LAMA2: variants seen among roughly 807,000 people sequenced by gnomAD.
LAMA2 encodes laminin subunit alpha-2.
A neutral mutation model predicts 364.8 loss-of-function variants in LAMA2; 269 were observed. The ratio of observed to expected loss-of-function variants is 0.74; its 90% confidence interval spans 0.67 to 0.82. The LOEUF is 0.82. Among genes scored for constraint, LAMA2 ranks in the 40% least tolerant of loss-of-function variants. The pLI, the probability that LAMA2 is intolerant of heterozygous loss-of-function variation, is 0.00. For missense variants in LAMA2, 3,807 were observed against 3,873.2 expected (o/e 0.98, Z 0.45); for synonymous variants, 1,379 against 1,370.6 (o/e 1.01, Z -0.14).
intron 1 of LAMA2, among the ~76,000 whole-genome samples, chr6:128,889,528 C>A (rs1776328470): frequency 6.6e-6 from 1 of 152,092 alleles, no homozygotes; most frequent in African/African-American, 2.4e-5. Flanking sequence ...AATTGGATAG[C>A]TTTTCCTTCT....
chr6:129,421,371 T>C (rs1042834907), intron 40 of LAMA2, among the ~76,000 whole-genome samples: 4 of 151,502 alleles, frequency 2.6e-5, no homozygotes, highest in African/African-American at 9.7e-5. Flanking sequence ...AGAAAGAGAA[T>C]ACCAAGAATT....
intron 51 of LAMA2, among the ~76,000 whole-genome samples, chr6:129,466,739 T>C (rs1783562400): frequency 6.6e-6 from 1 of 151,844 alleles, no homozygotes; most frequent in Non-Finnish European, 1.5e-5. Context: ...CTTTAGTAAC[T>C]ACAAGTGAAT....
intron 1 of LAMA2, among the ~76,000 whole-genome samples, chr6:128,927,753 GT>G (rs943350812): frequency 6.6e-6 from 1 of 151,120 alleles, no homozygotes; most frequent in Non-Finnish European, 1.5e-5. Flanking sequence ...ATTCTATTTC[GT>G]TTTTTGTCAC....
intron 20 of LAMA2, among the ~76,000 whole-genome samples, chr6:129,296,203 A>G (rs914475863): frequency 6.6e-6 from 1 of 152,018 alleles, no homozygotes; most frequent in African/African-American, 2.4e-5. Context: ...GTTATTCACC[A>G]TGATAAATAA....
chr6:128,956,179 G>A (rs1054668453), intron 1 of LAMA2, among the ~76,000 whole-genome samples: 6 of 151,778 alleles, frequency 4.0e-5, no homozygotes, highest in Non-Finnish European at 7.4e-5. Flanking sequence ...TTTACTCAAG[G>A]GCATTTTAAA....
At chr6:128,997,133 GA>G (rs1424089203) in intron 1 of LAMA2, among the ~76,000 whole-genome samples, 2 of 150,556 alleles carry the variant, frequency 1.3e-5, no homozygotes, top group Non-Finnish European at 3.0e-5. Context: ...CCTGTTGGGG[GA>G]GGGGTGGGAG....
intron 34 of LAMA2, among the ~76,000 whole-genome samples, chr6:129,370,300 T>C (rs1168421502): frequency 6.6e-6 from 1 of 152,206 alleles, no homozygotes; most frequent in Non-Finnish European, 1.5e-5. Context: ...AGCACTATCT[T>C]TGATTGTGTA....
At chr6:129,496,292 G>A (rs559330870) in intron 58 of LAMA2, among the ~76,000 whole-genome samples, 38 of 152,078 alleles carry the variant, frequency 2.5e-4, no homozygotes, top group Non-Finnish European at 3.7e-4. Context: ...TCAGCCTCCC[G>A]AGTAGCTGGG....
chr6:129,348,171 T>C (rs1583548588), intron 30 of LAMA2, among the ~76,000 whole-genome samples: 1 of 152,314 alleles, frequency 6.6e-6, no homozygotes, highest in East Asian at 1.9e-4. Flanking sequence ...CAAAAATAAA[T>C]TTGTTGGATA....
At chr6:129,292,074 C>T (rs1000002707) in intron 20 of LAMA2, among the ~76,000 whole-genome samples, 2 of 152,110 alleles carry the variant, frequency 1.3e-5, no homozygotes, top group African/African-American at 4.8e-5. Context: ...GGGCTGGGCG[C>T]GGTGGCTCAT....
intron 1 of LAMA2, among the ~76,000 whole-genome samples, chr6:128,911,174 G>C (rs753073260): frequency 6.6e-6 from 1 of 152,156 alleles, no homozygotes; most frequent in Non-Finnish European, 1.5e-5. Flanking sequence ...CCCAGTTCGA[G>C]CTTCCCGGCT....
At chr6:128,929,847 A>G in intron 1 of LAMA2, 1 of 1,015,672 alleles carries the variant, frequency 9.8e-7, no homozygotes, top group Non-Finnish European at 1.6e-6. Flanking sequence ...TAAGTGAAAA[A>G]CTTGCCTGAA....
intron 1 of LAMA2, among the ~76,000 whole-genome samples, chr6:129,037,730 C>T (rs1019567804): frequency 3.4e-5 from 5 of 148,396 alleles, no homozygotes; most frequent in African/African-American, 7.5e-5. Context: ...AGTGCAGTGG[C>T]GCGATCTCTG....
At chr6:129,469,698 C>A (rs1014091964) in intron 51 of LAMA2, among the ~76,000 whole-genome samples, 1 of 151,678 alleles carries the variant, frequency 6.6e-6, no homozygotes, top group African/African-American at 2.4e-5. Flanking sequence ...AATCACATAT[C>A]CATCGACAGG....
intron 1 of LAMA2, among the ~76,000 whole-genome samples, chr6:128,949,278 C>A (rs562026558): frequency 6.6e-6 from 1 of 152,224 alleles, no homozygotes; most frequent in Admixed American, 6.5e-5. Context: ...ATATTAGGTG[C>A]AGATTCTTCT....
At chr6:128,892,944 C>G (rs150814408) in intron 1 of LAMA2, among the ~76,000 whole-genome samples, 1 of 151,834 alleles carries the variant, frequency 6.6e-6, no homozygotes, top group Non-Finnish European at 1.5e-5. Context: ...AACTTGGGAA[C>G]GCTGGATTTT....
chr6:129,222,792 G>C (rs373815034), intron 12 of LAMA2, among the ~76,000 whole-genome samples: 1 of 151,874 alleles, frequency 6.6e-6, no homozygotes, highest in African/African-American at 2.4e-5. Flanking sequence ...GAATAGTGCC[G>C]CAATAAACAT....
intron 1 of LAMA2, among the ~76,000 whole-genome samples, chr6:128,921,517 A>T (rs1778710950): frequency 6.6e-6 from 1 of 152,158 alleles, no homozygotes; most frequent in Non-Finnish European, 1.5e-5. Context: ...GAGGAGATAC[A>T]GAAATACAGG....
At chr6:129,258,516 G>A (rs1434769305) in intron 14 of LAMA2, among the ~76,000 whole-genome samples, 3 of 151,320 alleles carry the variant, frequency 2.0e-5, no homozygotes, top group Non-Finnish European at 4.4e-5. Flanking sequence ...GAGGAAGAGG[G>A]GAAAAGAGAA....
Sources: gnomAD v4.1 joint callset for allele counts (sites outside exome capture counted in the v4.1 genomes callset) on GRCh38, gnomAD v4.1.1 for gene constraint, MANE v1.5 for transcripts, NCBI Gene and HGNC (gene_info 2026-07-23, HGNC 2026-07-21) for gene names.